The following DLGAP2 variants were observed in gnomAD, a reference collection of about 807,000 sequenced individuals.
The protein encoded by DLGAP2 is DLG associated protein 2.
DLGAP2 carries 26 observed loss-of-function variants against 100.3 expected under a neutral mutation model. The ratio of observed to expected loss-of-function variants is 0.26; its 90% CI spans 0.19 to 0.36. DLGAP2 has a LOEUF of 0.36. Among genes scored for constraint, DLGAP2 ranks in the 10% least tolerant of loss-of-function variants. The pLI is 1.00. For synonymous variants in DLGAP2, 886 were observed against 630.1 expected, an observed-to-expected ratio of 1.41 and a Z score of -6.08; for missense variants, 1,858 against 1,453.2, an observed-to-expected ratio of 1.28 and a Z score of -4.53.
intron 1 of DLGAP2, among the ~76,000 whole-genome samples, chr8:814,850 C>CAAAAAAAAAAAAAAAAAAAAAAAA (rs34412684): frequency 1.6e-5 from 1 of 61,868 alleles, no homozygotes. Flanking sequence ...GACTCCGTCT[C>CAAAAAAAAAAAAAAAAAAAAAAAA]AAAAAAAAAA....
intron 2 of DLGAP2, among the ~76,000 whole-genome samples, chr8:1,047,780 A>C (rs1180980053): frequency 6.6e-6 from 1 of 151,924 alleles, no homozygotes; most frequent in African/African-American, 2.4e-5. Context: ...TCACCTTCCA[A>C]AGGCCCCACC....
At chr8:1,368,867 C>G (rs1802171340) in intron 3 of DLGAP2, 2 of 152,202 alleles carry the variant, frequency 1.3e-5, no homozygotes. Flanking sequence ...TCTCCCAGCA[C>G]AAAGGTCAAA....
At chr8:1,614,064 A>C (rs1019872808) in intron 6 of DLGAP2, among the ~76,000 whole-genome samples, 6 of 152,160 alleles carry the variant, frequency 3.9e-5, no homozygotes, top group Admixed American at 2.6e-4. Flanking sequence ...TGGAAGAGCC[A>C]GGTGGGGGAG....
chr8:1,436,202 C>T (rs1481774570), intron 3 of DLGAP2, among the ~76,000 whole-genome samples: 1 of 152,216 alleles, frequency 6.6e-6, no homozygotes, highest in Non-Finnish European at 1.5e-5. Context: ...GGCCCAAAAC[C>T]TCAAAAGCAG....
intron 3 of DLGAP2, among the ~76,000 whole-genome samples, chr8:1,282,577 C>G (rs1287148923): frequency 1.6e-5 from 2 of 124,156 alleles, no homozygotes; most frequent in African/African-American, 6.0e-5. Flanking sequence ...AGCACATGAA[C>G]CATCTGGACA....
intron 2 of DLGAP2, among the ~76,000 whole-genome samples, chr8:1,184,881 G>A (rs1427663056): frequency 6.6e-6 from 1 of 152,202 alleles, no homozygotes; most frequent in African/African-American, 2.4e-5. Flanking sequence ...CAGGTTGGAG[G>A]GAGCTCACTG....
At chr8:1,272,033 C>G (rs1008534383) in intron 3 of DLGAP2, among the ~76,000 whole-genome samples, 1 of 152,140 alleles carries the variant, frequency 6.6e-6, no homozygotes, top group Non-Finnish European at 1.5e-5. Context: ...CCAAGTTGGT[C>G]TCAAACTCCT....
At chr8:1,575,736 G>C (rs940843268) in intron 6 of DLGAP2, among the ~76,000 whole-genome samples, 1 of 149,692 alleles carries the variant, frequency 6.7e-6, no homozygotes, top group Non-Finnish European at 1.5e-5. Flanking sequence ...TTTTGTTCTT[G>C]TGATAGTTTG....
intron 2 of DLGAP2, among the ~76,000 whole-genome samples, chr8:924,394 G>A (rs1584893174): frequency 6.6e-6 from 1 of 152,236 alleles, no homozygotes; most frequent in African/African-American, 2.4e-5. Flanking sequence ...GGGCTTGGAC[G>A]TTGGGTGGGG....
intron 2 of DLGAP2, among the ~76,000 whole-genome samples, chr8:973,807 CG>C (rs111789266): frequency 0.022 from 3,346 of 151,516 alleles, 142 homozygotes; most frequent in African/African-American, 0.077. Flanking sequence ...ATCCGGGGCT[CG>C]GGCCCGTGGC....
chr8:1,020,050 A>T (rs889398045), intron 2 of DLGAP2, among the ~76,000 whole-genome samples: 11 of 152,254 alleles, frequency 7.2e-5, no homozygotes, highest in African/African-American at 2.4e-4. Flanking sequence ...ATAAGTAGAT[A>T]CATGCATTAA....
intron 3 of DLGAP2, among the ~76,000 whole-genome samples, chr8:1,356,188 G>A (rs1801846483): frequency 6.6e-6 from 1 of 152,160 alleles, no homozygotes; most frequent in Non-Finnish European, 1.5e-5. Flanking sequence ...CTGCTCTGTG[G>A]CCCCCTGGAG....
chr8:943,570 G>T (rs938629192), intron 2 of DLGAP2, among the ~76,000 whole-genome samples: 8 of 151,960 alleles, frequency 5.3e-5, no homozygotes, highest in Non-Finnish European at 8.8e-5. Flanking sequence ...TGGCCATCCC[G>T]CCACAAGCAC....
rs116196686 is a variant in DLGAP2, at chr8:1,323,598, G to A, written c.106+64715G>A. On this transcript the variant is annotated intron_variant, in intron 3 of 14. Coordinates refer to ENST00000637795, the MANE Select transcript of DLGAP2 (RefSeq NM_001346810.2). ...CGTGGGGCAGGCAGCAGCAGCTCCT[G>A]CTGTACGGGGATGCAGATACGGAGC... 3.7e-3 allele frequency among the ~76,000 whole-genome samples: 557 copies of A among 152,340 alleles called. 3 individuals are homozygous for A. The highest frequency in any genetic ancestry group is 0.013 in the African/African-American group (522 of 41,576).
At chr8:761,005 A>C (rs185354723) in intron 1 of DLGAP2, among the ~76,000 whole-genome samples, 3 of 152,326 alleles carry the variant, frequency 2.0e-5, no homozygotes, top group African/African-American at 7.2e-5. Flanking sequence ...ATCGGGGGAC[A>C]TATGAGGACT....
intron 2 of DLGAP2, among the ~76,000 whole-genome samples, chr8:994,765 C>T (rs1315642683): frequency 6.6e-6 from 1 of 152,184 alleles, no homozygotes; most frequent in African/African-American, 2.4e-5. Flanking sequence ...CAGACCTGCT[C>T]CCTTGCTGGC....
intron 13 of DLGAP2, among the ~76,000 whole-genome samples, chr8:1,695,834 C>G (rs1452800471): frequency 6.6e-6 from 1 of 152,230 alleles, no homozygotes; most frequent in Admixed American, 6.5e-5. Context: ...AGAACGTGGC[C>G]TCCTTGCCAG....
chr8:1,305,849 G>C (rs1800477279), intron 3 of DLGAP2, among the ~76,000 whole-genome samples: 1 of 152,168 alleles, frequency 6.6e-6, no homozygotes, highest in Non-Finnish European at 1.5e-5. Context: ...TGTGAGGTCA[G>C]GAACAAGGCA....
intron 3 of DLGAP2, among the ~76,000 whole-genome samples, chr8:1,392,477 TC>T (rs1336546876): frequency 1.3e-5 from 2 of 152,218 alleles, no homozygotes; most frequent in Non-Finnish European, 1.5e-5. Context: ...CGCCGCGTGG[TC>T]CTTCTAAGTG....
Sources: allele counts gnomAD v4.1 joint callset (sites outside exome capture counted in the v4.1 genomes callset), GRCh38; gene constraint gnomAD v4.1.1; transcripts MANE v1.5; gene names NCBI Gene and HGNC (gene_info 2026-07-23, HGNC 2026-07-21).